The following NR1H4 variants were observed in gnomAD, a reference collection of about 807,000 sequenced individuals.
NR1H4 encodes bile acid receptor.
In NR1H4, 23 loss-of-function variants were observed where a neutral mutation model predicts 58.5. That is an observed-to-expected ratio of 0.39 (90% CI 0.28 to 0.56). The LOEUF (loss-of-function observed/expected upper bound fraction) is 0.56, where lower values mean the gene tolerates loss of function less well. NR1H4 is among the 20% of genes least tolerant of loss of function. The pLI is 0.58. For synonymous variants in NR1H4, 214 were observed against 198.0 expected, an observed-to-expected ratio of 1.08 and a Z score of -0.68; for missense variants, 487 against 576.9, an observed-to-expected ratio of 0.84 and a Z score of 1.60.
intron 3 of NR1H4, among the ~76,000 whole-genome samples, chr12:100,496,790 T>G (rs1953725195): frequency 6.6e-6 from 1 of 152,142 alleles, no homozygotes; most frequent in Admixed American, 6.6e-5. Flanking sequence ...TTAAGGCATT[T>G]AGAAGGTGAC....
chr12:100,554,546 T>C (rs1295756340), intron 9 of NR1H4, among the ~76,000 whole-genome samples: 2 of 152,238 alleles, frequency 1.3e-5, no homozygotes, highest in African/African-American at 2.4e-5. Context: ...TCTCAAAGAA[T>C]ATTTCTGATC....
At chr12:100,519,916 G>A (rs114123135) in intron 4 of NR1H4, among the ~76,000 whole-genome samples, 171 of 152,192 alleles carry the variant, frequency 1.1e-3, no homozygotes, top group African/African-American at 3.8e-3. Flanking sequence ...AAGCTCTGGC[G>A]TCTGAAAAGC....
chr12:100,527,751 G>GT (rs540531088), intron 4 of NR1H4, among the ~76,000 whole-genome samples: 12 of 152,078 alleles, frequency 7.9e-5, no homozygotes, highest in Non-Finnish European at 1.6e-4. Flanking sequence ...ATGGTGTTTG[G>GT]TTTTTTGTCC....
chr12:100,488,301 T>C (rs1457679026), intron 1 of NR1H4, among the ~76,000 whole-genome samples: 2 of 152,180 alleles, frequency 1.3e-5, no homozygotes, highest in African/African-American at 4.8e-5. Context: ...CATCCGGCCA[T>C]AATGTTGTTT....
chr12:100,548,168 C>A (rs1048734411), intron 9 of NR1H4, among the ~76,000 whole-genome samples: 2 of 149,784 alleles, frequency 1.3e-5, no homozygotes, highest in African/African-American at 4.9e-5. Context: ...GAGATTGAGA[C>A]CATCCTGGCT....
intron 4 of NR1H4, among the ~76,000 whole-genome samples, chr12:100,513,026 C>T (rs983241232): frequency 2.6e-5 from 4 of 152,068 alleles, no homozygotes; most frequent in African/African-American, 9.7e-5. Flanking sequence ...ATTTGTACAC[C>T]AACTTTACAA....
At chr12:100,493,471 C>A in intron 3 of NR1H4, 69 bp downstream of exon 3, 1 of 796,668 alleles carries the variant, frequency 1.3e-6, no homozygotes, top group Non-Finnish European at 2.2e-6. Flanking sequence ...GAGGAAATGC[C>A]TAGATGATGA....
At chr12:100,560,910 A>G (rs1175315217) in intron 9 of NR1H4, among the ~76,000 whole-genome samples, 1 of 152,310 alleles carries the variant, frequency 6.6e-6, no homozygotes, top group Non-Finnish European at 1.5e-5. Context: ...AGGCCTGGGC[A>G]GTTGAGTGGT....
At chr12:100,480,733 G>A (rs1953361336) in intron 1 of NR1H4, among the ~76,000 whole-genome samples, 1 of 152,144 alleles carries the variant, frequency 6.6e-6, no homozygotes, top group East Asian at 1.9e-4. Context: ...AAAGCTTAGT[G>A]GCATAAAACA....
At chr12:100,499,861 G>A in intron 3 of NR1H4, 1 of 455,888 alleles carries the variant, frequency 2.2e-6, no homozygotes, top group Non-Finnish European at 4.4e-6. Context: ...AGATTTCCTG[G>A]GTTGGTTCCA....
chr12:100,479,913 G>C (rs945610358), intron 1 of NR1H4, among the ~76,000 whole-genome samples: 1 of 152,150 alleles, frequency 6.6e-6, no homozygotes, highest in African/African-American at 2.4e-5. Flanking sequence ...ATCTCAGTTC[G>C]AATGTCCACT....
chr12:100,519,711 C>A (rs1353044779), intron 4 of NR1H4, among the ~76,000 whole-genome samples: 1 of 152,122 alleles, frequency 6.6e-6, no homozygotes, highest in Non-Finnish European at 1.5e-5. Flanking sequence ...CTTCCAGGAT[C>A]CCAAATGACG....
intron 6 of NR1H4, among the ~76,000 whole-genome samples, chr12:100,536,202 A>G (rs552708944): frequency 1.3e-5 from 2 of 152,256 alleles, no homozygotes; most frequent in South Asian, 4.2e-4. Context: ...TTGAACTTTC[A>G]GTGACCTTCA....
intron 4 of NR1H4, among the ~76,000 whole-genome samples, chr12:100,527,744 G>C (rs1251259632): frequency 6.6e-6 from 1 of 152,134 alleles, no homozygotes; most frequent in African/African-American, 2.4e-5. Context: ...AGAACATATG[G>C]TGTTTGGTTT....
intron 9 of NR1H4, among the ~76,000 whole-genome samples, chr12:100,553,029 C>T (rs867119237): frequency 3.3e-5 from 5 of 151,590 alleles, no homozygotes; most frequent in South Asian, 2.1e-4. Context: ...GACGGAGTCT[C>T]GCTCTGTCAC....
At chr12:100,501,569 C>A (rs1227487475) in intron 3 of NR1H4, among the ~76,000 whole-genome samples, 1 of 152,076 alleles carries the variant, frequency 6.6e-6, no homozygotes. Flanking sequence ...TAAAAATAGG[C>A]TTAAAGATAG....
In NR1H4 at chr12:100,510,857, G is replaced by T. The variant is rs1375534821; in HGVS notation, c.159G>T (p.Gln53His). The change falls in exon 4 of 11, where the codon CAG (glutamine) becomes CAT (histidine). Residue 53 changes from glutamine to histidine, a missense_variant. Physicochemically the swap from Gln to His is conservative, Grantham distance 24 (BLOSUM62 0). Coordinates refer to ENST00000392986, the MANE Select transcript of NR1H4 (RefSeq NM_001206979.2). Reference protein sequence around the residue: ...VEPYSQYSNVQFPQVQPQISS... With the variant: ...VEPYSQYSNVHFPQVQPQISS... The stretch of plus-strand genomic sequence containing the variant: ...CATACTCGCAATACAGCAATGTTCA[G>T]TTTCCCCAAGTTCAACCACAGATTT... The T allele has an allele frequency of 1.2e-6, 2 of 1,614,136 alleles. No homozygotes were observed. Among genetic ancestry groups the T allele is most frequent in the East Asian group, 4.5e-5 (2 of 44,882 alleles).
chr12:100,531,594 G>A (rs746215266), intron 4 of NR1H4, among the ~76,000 whole-genome samples: 59 of 152,206 alleles, frequency 3.9e-4, no homozygotes, highest in Admixed American at 5.2e-4. Context: ...GCGAGTAACT[G>A]CCTTCCTGTC....
rs1240473502 is a variant in NR1H4, at chr12:100,487,580, A to ATTC, written c.-189-4908_-189-4906dup. ...CTTTTTCTTTTCTTTACCTGCTCTG[A>ATTC]TTCTTCTTCTTCTTCTTTTTTTTTT... is the stretch of plus-strand genomic sequence containing the variant. On this transcript the variant is annotated intron_variant, in intron 1 of 10. Transcript: ENST00000392986. Among the ~76,000 whole-genome samples, 60 of 137,856 alleles carry ATTC rather than the reference A, an allele frequency of 4.4e-4. 1 individual carries two copies. Among genetic ancestry groups the ATTC allele is most frequent in the African/African-American group, 7.9e-4 (30 of 38,198 alleles). The allele number at this position is 137,856 out of a possible 152,430, so 90.4% of individuals were successfully genotyped here. A position where few individuals can be genotyped will look rare whatever the true frequency, so the allele number is the denominator to read the frequency against.
Sources: allele counts gnomAD v4.1 joint callset (sites outside exome capture counted in the v4.1 genomes callset), GRCh38; gene constraint gnomAD v4.1.1; transcripts MANE v1.5; gene names NCBI Gene and HGNC (gene_info 2026-07-23, HGNC 2026-07-21).